The following CIAO3 variants were observed in gnomAD, a reference collection of about 807,000 sequenced individuals.
CIAO3 encodes the protein cytosolic iron-sulfur assembly component 3.
Under a neutral mutation model 51.5 loss-of-function variants are expected in CIAO3, and 45 were observed. The observed-to-expected ratio is 0.87, with a 90% confidence interval of 0.69 to 1.12. The LOEUF (loss-of-function observed/expected upper bound fraction) is 1.12, where lower values mean the gene tolerates loss of function less well. CIAO3 is among the 50% of genes most tolerant of loss of function. The probability of loss-of-function intolerance (pLI) is 0.00; values close to 1 mark genes in which losing one functional copy is unlikely to be tolerated. For synonymous variants in CIAO3, 314 were observed against 269.3 expected, an observed-to-expected ratio of 1.17 and a Z score of -1.63; for missense variants, 668 against 632.5, an observed-to-expected ratio of 1.06 and a Z score of -0.60.
Position 731,576 on chromosome 16 carries a change from G to A in CIAO3, c.1023C>T (p.Tyr341=), listed in dbSNP as rs755490937. The A allele has an allele frequency of 2.6e-6, 4 of 1,567,272 alleles. No individual in the cohort carries two copies. The Admixed American group carries it at 7.4e-5, about 29-fold the overall frequency. The change falls in exon 9 of 11, where the codon TAC becomes TAT. Residue 341 remains tyrosine, a synonymous_variant. Transcript: ENST00000251588. ...LFGIHVAEVT[Y]KPLRNKDFQE... The stretch of plus-strand genomic sequence containing the variant: ...CCCATCCCACTGACCTCAGGGGTTT[G>A]TAGGTAACCTCAGCCACATGGATTC...
chr16:731,625 C>T lies in CIAO3; in HGVS notation c.974G>A (p.Arg325Gln), dbSNP rs775049852. Residue 325 changes from arginine (R) to glutamine (Q), a missense_variant, in exon 9 of 11, where the codon CGG becomes CAG. Physicochemically the swap from Arg to Gln is conservative, Grantham distance 43. Transcript: ENST00000251588. ...TCCAAAGAGCTCTCGGGCCGCGTGC[C>T]GGAACACGTGCTCCAGGTAGCCCCC... The part of the protein sequence containing the change: ...GSGGYLEHVF[R>Q]HAARELFGIH... 2.3e-5 allele frequency: 36 copies of T among 1,561,496 alleles called. 1 individual carries two copies. The highest frequency in any genetic ancestry group is 1.7e-4 in the Middle Eastern group (1 of 6,026).
At chr16:734,053 C>A (rs1385929096) in intron 6 of CIAO3, 176 bp downstream of exon 6, 1 of 624,766 alleles carries the variant, frequency 1.6e-6, no homozygotes, top group Non-Finnish European at 2.9e-6. Context: ...AGAACGAAGC[C>A]CTCTGCTGCA....
intron 8 of CIAO3, 29 bp downstream of exon 8, chr16:732,271 AT>A (rs1209151807): frequency 6.3e-7 from 1 of 1,586,658 alleles, no homozygotes; most frequent in Admixed American, 1.7e-5. Flanking sequence ...AGAAGCTAAA[AT>A]AACAGTTCTT....
intron 8 of CIAO3, 42 bp from the exon 9 acceptor site, chr16:731,744 C>T (rs1315091034): frequency 6.7e-7 from 1 of 1,501,090 alleles, no homozygotes. Context: ...GGGGCTGCTG[C>T]CTGCCAACCT....
rs930495611 is a variant in CIAO3, at chr16:729,878, G to C, written c.*539C>G. The C allele has an allele frequency of 2.3e-6, 1 of 431,638 alleles. No individual in the cohort carries two copies. Among genetic ancestry groups the C allele is most frequent in the Non-Finnish European group, 3.9e-6 (1 of 253,206 alleles). The allele number at this position is 431,638 out of a possible 1,614,324, so 26.7% of individuals were successfully genotyped here. On this transcript the variant is annotated 3_prime_UTR_variant, in exon 11 of 11. Coordinates refer to ENST00000251588, the MANE Select transcript of CIAO3 (RefSeq NM_022493.3). ...TGCTGCTTCGTACTTGGCTTGCCCC[G>C]GACCACAGCCTCGTAACGGTAACCC...
intron 7 of CIAO3, 127 bp from the exon 8 acceptor site, chr16:732,500 T>C (rs970352020): frequency 9.3e-7 from 1 of 1,070,628 alleles, no homozygotes; most frequent in African/African-American, 1.6e-5. Context: ...ATGTCCACCC[T>C]AGCCCGTGGT....
chr16:739,872 C>G (rs539483706), intron 1 of CIAO3, 134 bp from the exon 2 acceptor site: 62 of 1,206,660 alleles, frequency 5.1e-5, no homozygotes, highest in Admixed American at 3.0e-4. Context: ...GGGACTGAGG[C>G]TGGTCCCACC....
chr16:729,882 C>A lies in CIAO3; in HGVS notation c.*535G>T. ...GCTTCGTACTTGGCTTGCCCCGGAC[C>A]ACAGCCTCGTAACGGTAACCCCTGC... On this transcript the variant is annotated 3_prime_UTR_variant, in exon 11 of 11. Transcript: ENST00000251588. 1 of 417,114 alleles carries A rather than the reference C, an allele frequency of 2.4e-6. No homozygotes were observed. The highest frequency in any genetic ancestry group is 7.6e-5 in the East Asian group (1 of 13,108). 25.8% of individuals were successfully genotyped at this position (417,114 alleles called of 1,614,324 possible).
At position 737,497 on chromosome 16, in the gene CIAO3, C is replaced by A. The variant is rs749866934; in HGVS notation, c.163-168G>T. 6.6e-6 allele frequency: 10 copies of A among 1,520,864 alleles called. No homozygotes were observed. Among genetic ancestry groups the A allele is most frequent in the Non-Finnish European group, 7.9e-6 (9 of 1,137,524 alleles). The allele number at this position is 1,520,864 out of a possible 1,614,324, so 94.2% of individuals were successfully genotyped here. On this transcript the variant is annotated intron_variant, in intron 2 of 10. Transcript: ENST00000251588. This position sits in a 1 kb window ranked among gnomAD's most constrained non-coding sequence, Gnocchi z 5.3. ...TATGTATTACAAAAATGCACACGCA[C>A]GCTCTACAGTTTCATAATGCCGTCA...
chr16:733,844 C>T (rs2041309962), intron 6 of CIAO3: 2 of 367,414 alleles, frequency 5.4e-6, no homozygotes, highest in Admixed American at 4.2e-5. Flanking sequence ...ACCGGGGCCG[C>T]CCTCGCCCTC....
chr16:733,419 G>A lies in CIAO3; in HGVS notation c.702C>T (p.Thr234=), dbSNP rs1427563412. ...KDFFAQQQHL[T]PDKIYHVTVM... ...CTGTGACGTGGTAGATCTTGTCAGG[G>A]GTCAAGTGCTACAAGGAGAAACAAA... The change falls in exon 7 of 11, where the codon ACC becomes ACT. Residue 234 remains threonine (T), a synonymous_variant. Coordinates refer to ENST00000251588, the MANE Select transcript of CIAO3 (RefSeq NM_022493.3). The A allele has an allele frequency of 3.1e-6, 5 of 1,613,632 alleles. No individual in the cohort carries two copies. Among genetic ancestry groups the A allele is most frequent in the Non-Finnish European group, 3.4e-6 (4 of 1,179,954 alleles).
chr16:740,756 T>C (rs1189682040), intron 1 of CIAO3, 164 bp downstream of exon 1: 2 of 630,060 alleles, frequency 3.2e-6, no homozygotes, highest in East Asian at 3.3e-5. Context: ...GGCCTCAGTG[T>C]CTGAGGCCCC....
At chr16:740,046 G>A in intron 1 of CIAO3, 1 of 1,399,108 alleles carries the variant, frequency 7.1e-7, no homozygotes, top group Non-Finnish European at 9.4e-7. Context: ...TGAACAGGGG[G>A]CGTGACCACC....
At chr16:731,172 T>G in intron 9 of CIAO3, 172 bp from the exon 10 acceptor site, 1 of 848,836 alleles carries the variant, frequency 1.2e-6, no homozygotes, top group Non-Finnish European at 1.8e-6. Flanking sequence ...GAAGGCTCAC[T>G]TCCTTGAGTC....
chr16:732,265 G>A (rs1330905683), intron 8 of CIAO3, 36 bp downstream of exon 8: 1 of 1,577,248 alleles, frequency 6.3e-7, no homozygotes, highest in South Asian at 1.2e-5. Flanking sequence ...AGCGTTAGAA[G>A]CTAAAATAAC....
chr16:730,046 C>A lies in CIAO3; in HGVS notation c.*371G>T. 2.6e-6 allele frequency: 1 copy of A among 381,180 alleles called. No individual in the cohort carries two copies. The highest frequency in any genetic ancestry group is 4.8e-6 in the Non-Finnish European group (1 of 206,268). 23.6% of individuals were successfully genotyped at this position (381,180 alleles called of 1,614,324 possible). A position where few individuals can be genotyped will look rare whatever the true frequency, so the allele number is the denominator to read the frequency against. Reference sequence around the variant, plus strand: ...CCTCCAGAAGTCAGGGGTGAGAACCCGTCTTGCTCTGCCTCAGGCAACCCC... The same window carrying A: ...CCTCCAGAAGTCAGGGGTGAGAACCAGTCTTGCTCTGCCTCAGGCAACCCC... On this transcript the variant is annotated 3_prime_UTR_variant, in exon 11 of 11. Coordinates refer to ENST00000251588, the MANE Select transcript of CIAO3 (RefSeq NM_022493.3).
In CIAO3 at chr16:729,838, G is replaced by T; in HGVS notation, c.*579C>A. ...GGTGGGGACCTGGCTGGGGGATGAT[G>T]CAGCCCGCGATGGCTGCTGCTTCGT... On this transcript the variant is annotated 3_prime_UTR_variant, in exon 11 of 11. Coordinates refer to ENST00000251588, the MANE Select transcript of CIAO3 (RefSeq NM_022493.3). 1 of 654,484 alleles carries T rather than the reference G, an allele frequency of 1.5e-6. No individual in the cohort carries two copies. The highest frequency in any genetic ancestry group is 2.3e-6 in the Non-Finnish European group (1 of 443,106). 40.5% of individuals were successfully genotyped at this position (654,484 alleles called of 1,614,324 possible). A position where few individuals can be genotyped will look rare whatever the true frequency, so the allele number is the denominator to read the frequency against.
In CIAO3 at chr16:737,097, C is replaced by A; in HGVS notation, c.306+89G>T. On this transcript the variant is annotated intron_variant, in intron 3 of 10. Coordinates refer to ENST00000251588, the MANE Select transcript of CIAO3 (RefSeq NM_022493.3). This position sits in a 1 kb window ranked among gnomAD's most constrained non-coding sequence, Gnocchi z 5.3. Reference sequence around the variant, plus strand: ...GCCACCCGCACGACGGACGTCGGCACCACACGAGCTGCCCTTGGCAAAACG... The same window carrying A: ...GCCACCCGCACGACGGACGTCGGCAACACACGAGCTGCCCTTGGCAAAACG... The A allele has an allele frequency of 1.3e-6, 2 of 1,568,136 alleles. No individual in the cohort carries two copies. Among genetic ancestry groups the A allele is most frequent in the Non-Finnish European group, 1.8e-6 (2 of 1,142,800 alleles).
chr16:740,100 G>C, intron 1 of CIAO3: 4 of 1,321,044 alleles, frequency 3.0e-6, no homozygotes, highest in South Asian at 2.5e-5. Context: ...ACGTGTGCTT[G>C]GATCTGTTTG....
Sources: allele counts gnomAD v4.1 joint callset, GRCh38; gene constraint gnomAD v4.1.1; non-coding constraint Gnocchi (gnomAD v3.1); transcripts MANE v1.5; gene names NCBI Gene and HGNC (gene_info 2026-07-23, HGNC 2026-07-21).